Variants in EML6 observed in about 807,000 individuals in gnomAD.
EML6 encodes echinoderm microtubule-associated protein-like 6.
EML6 carries 154 observed loss-of-function variants against 240.1 expected under a neutral mutation model. The observed-to-expected ratio is 0.64, with a 90% confidence interval of 0.56 to 0.73. The LOEUF is 0.73. EML6 is among the 30% of genes least tolerant of loss of function. The probability of loss-of-function intolerance (pLI) is 0.00; values close to 1 mark genes in which losing one functional copy is unlikely to be tolerated. For missense variants in EML6, 2,964 were observed against 2,474.6 expected, an observed-to-expected ratio of 1.20 and a Z score of -4.20; for synonymous variants, 1,148 against 899.0, an observed-to-expected ratio of 1.28 and a Z score of -4.95.
At chr2:54,936,255 C>T (rs55760581) in intron 28 of EML6, among the ~76,000 whole-genome samples, 52,319 of 152,134 alleles carry the variant, frequency 0.34, 9,138 homozygotes, top group East Asian at 0.52. Flanking sequence ...TGATATGTAG[C>T]ATCTAATAAT....
intron 6 of EML6, among the ~76,000 whole-genome samples, chr2:54,828,175 C>T (rs747662685): frequency 6.6e-6 from 1 of 152,014 alleles, no homozygotes. Flanking sequence ...ATAACGATTG[C>T]TCTTGTATTG....
intron 17 of EML6, chr2:54,882,181 A>T (rs1671850541): frequency 6.6e-6 from 1 of 152,114 alleles, no homozygotes; most frequent in South Asian, 2.1e-4. Flanking sequence ...CTGTGAGACG[A>T]TCCGATCTGT....
chr2:54,734,359 T>G (rs1014417749), intron 2 of EML6, among the ~76,000 whole-genome samples: 1 of 152,174 alleles, frequency 6.6e-6, no homozygotes, highest in Non-Finnish European at 1.5e-5. Flanking sequence ...ATTGGTGATA[T>G]GATATATCAT....
chr2:54,824,838 G>A (rs1429420138), intron 5 of EML6, among the ~76,000 whole-genome samples: 2 of 152,140 alleles, frequency 1.3e-5, no homozygotes, highest in Non-Finnish European at 2.9e-5. Context: ...CAGTCTGTGG[G>A]TAGAGACTGC....
chr2:54,866,280 G>A (rs371111464), intron 13 of EML6, among the ~76,000 whole-genome samples: 3 of 152,138 alleles, frequency 2.0e-5, no homozygotes, highest in East Asian at 1.9e-4. Context: ...TCAGCAGCAC[G>A]TTTTAGGTCC....
rs150859120 is a variant in EML6 at position 54,756,265 on chromosome 2, T to C, written c.197+31007T>C. On this transcript the variant is annotated intron_variant, in intron 2 of 41. Transcript: ENST00000356458. ...TCAGGATCCCTGCCCCTAAAATTCCTCCTGCTTTGGTTTGTTCATCAGTGT... is the reference window on the plus strand; with the variant it reads ...TCAGGATCCCTGCCCCTAAAATTCCCCCTGCTTTGGTTTGTTCATCAGTGT... 2.6e-5 allele frequency among the ~76,000 whole-genome samples: 4 copies of C among 152,358 alleles called. No homozygotes were observed. The East Asian group carries it at 7.7e-4, about 29-fold the overall frequency.
chr2:54,925,903 C>T (rs1027241438), intron 26 of EML6, among the ~76,000 whole-genome samples: 19 of 152,160 alleles, frequency 1.2e-4, no homozygotes, highest in African/African-American at 3.6e-4. Context: ...TTAAAACCCT[C>T]CATGCCCTCA....
At position 54,894,912 on chromosome 2, in the gene EML6, C is replaced by G. The variant is rs1672680713; in HGVS notation, c.2743-3C>G. 1 of 1,548,688 alleles carries G rather than the reference C, an allele frequency of 6.5e-7. No individual in the cohort carries two copies. The highest frequency in any genetic ancestry group is 8.7e-7 in the Non-Finnish European group (1 of 1,144,482). ...ATAATACCTCTCATGTGTGCCTTCA[C>G]AGGGCTTTGTAACAGGTGGAAAGGA... On this transcript the variant is annotated splice_region_variant and splice_polypyrimidine_tract_variant and intron_variant, in intron 19 of 41. Coordinates refer to ENST00000356458, the MANE Select transcript of EML6 (RefSeq NM_001039753.4).
At chr2:54,868,895 C>T (rs1671107297) in intron 14 of EML6, 1 of 336,296 alleles carries the variant, frequency 3.0e-6, no homozygotes, top group African/African-American at 2.1e-5. Flanking sequence ...TGTGCCTCAT[C>T]ACAGATGTGT....
At chr2:54,750,174 C>T (rs1017906261) in intron 2 of EML6, among the ~76,000 whole-genome samples, 2 of 152,186 alleles carry the variant, frequency 1.3e-5, no homozygotes, top group African/African-American at 2.4e-5. Context: ...AGCCTGAGGG[C>T]CCGATATTTG....
intron 22 of EML6, among the ~76,000 whole-genome samples, chr2:54,901,841 G>A (rs1673072436): frequency 6.6e-6 from 1 of 152,202 alleles, no homozygotes; most frequent in Admixed American, 6.5e-5. Context: ...AATAAGAATG[G>A]TGGCAGAGGG....
intron 28 of EML6, among the ~76,000 whole-genome samples, chr2:54,930,336 C>A (rs1334284795): frequency 6.6e-6 from 1 of 152,178 alleles, no homozygotes; most frequent in South Asian, 2.1e-4. Flanking sequence ...CTCATTGCCT[C>A]TTTGGGCAAA....
intron 24 of EML6, among the ~76,000 whole-genome samples, chr2:54,907,896 TAGATTAGATAGA>T (rs1366169095): frequency 2.3e-5 from 3 of 130,996 alleles, no homozygotes; most frequent in African/African-American, 8.5e-5. Context: ...ATAGATTAGA[TAGATTAGATAGA>T]TAGATAGATA....
intron 2 of EML6, among the ~76,000 whole-genome samples, chr2:54,802,311 T>C (rs1212458463): frequency 2.0e-5 from 3 of 151,714 alleles, no homozygotes; most frequent in Non-Finnish European, 4.4e-5. Flanking sequence ...TTCTAAGAGT[T>C]TGAATTTTTT....
At chr2:54,737,362 G>T (rs12621943) in intron 2 of EML6, among the ~76,000 whole-genome samples, 2,263 of 152,114 alleles carry the variant, frequency 0.015, 58 homozygotes, top group East Asian at 0.08. Flanking sequence ...GCAGTGGCGC[G>T]ATCTCGGCTC....
chr2:54,813,504 C>G (rs1667952361), intron 3 of EML6, 113 bp downstream of exon 3: 2 of 898,780 alleles, frequency 2.2e-6, no homozygotes, highest in African/African-American at 3.4e-5. Flanking sequence ...GTTCTTCTGG[C>G]ACAGCCTCCT....
chr2:54,935,955 A>C (rs1316212210), intron 28 of EML6, among the ~76,000 whole-genome samples: 1 of 152,190 alleles, frequency 6.6e-6, no homozygotes, highest in Non-Finnish European at 1.5e-5. Flanking sequence ...CCTTGAGGCC[A>C]GGAGTTCAAG....
intron 24 of EML6, among the ~76,000 whole-genome samples, chr2:54,908,949 A>T (rs893697248): frequency 1.3e-5 from 2 of 152,188 alleles, no homozygotes; most frequent in Non-Finnish European, 1.5e-5. Context: ...GCTGTCTACA[A>T]TGCTACACAG....
At chr2:54,936,177 A>T (rs1483302118) in intron 28 of EML6, among the ~76,000 whole-genome samples, 1 of 152,266 alleles carries the variant, frequency 6.6e-6, no homozygotes, top group Non-Finnish European at 1.5e-5. Flanking sequence ...TTATCAAATT[A>T]TCATGTGGCT....
Sources: allele counts gnomAD v4.1 joint callset (sites outside exome capture counted in the v4.1 genomes callset), GRCh38; gene constraint gnomAD v4.1.1; transcripts MANE v1.5; gene names NCBI Gene and HGNC (gene_info 2026-07-23, HGNC 2026-07-21).